ARHGAP26: variants seen among roughly 807,000 people sequenced by gnomAD.
ARHGAP26 encodes the protein Rho GTPase activating protein 26.
A neutral mutation model predicts 104.8 loss-of-function variants in ARHGAP26; 38 were observed. The ratio of observed to expected loss-of-function variants is 0.36; its 90% CI spans 0.28 to 0.48. ARHGAP26 has a LOEUF of 0.48. Among genes scored for constraint, ARHGAP26 ranks in the 20% least tolerant of loss-of-function variants. The pLI, the probability that ARHGAP26 is intolerant of heterozygous loss-of-function variation, is 0.99. For missense variants in ARHGAP26, 704 were observed against 947.9 expected, an observed-to-expected ratio of 0.74 and a Z score of 3.38; for synonymous variants, 341 against 340.0, an observed-to-expected ratio of 1.00 and a Z score of -0.03.
chr5:143,136,267 G>A (rs764659746), intron 19 of ARHGAP26, among the ~76,000 whole-genome samples: 4 of 152,216 alleles, frequency 2.6e-5, no homozygotes, highest in African/African-American at 7.2e-5. Context: ...GAGGATGAAA[G>A]TTAAGGATGT....
At position 143,056,083 on chromosome 5, in the gene ARHGAP26, G is replaced by GCAAGTAAGT. The variant is rs1180082806; in HGVS notation, c.1431_1432+7dup. ...GTTTCAAAGAAGTTTCATCAAAGCA[G>GCAAGTAAGT]CAAGTAAGTCTTTTTTGTCTCAGTT... On this transcript the variant is annotated inframe_insertion, in exon 16 of 23. Transcript: ENST00000645722. 1.9e-6 allele frequency: 3 copies of GCAAGTAAGT among 1,612,584 alleles called. No individual in the cohort carries two copies. The highest frequency in any genetic ancestry group is 1.7e-6 in the Non-Finnish European group (2 of 1,179,102).
intron 11 of ARHGAP26, among the ~76,000 whole-genome samples, chr5:143,012,549 A>ATATATATATATATATATATATG: frequency 2.0e-5 from 1 of 49,090 alleles, no homozygotes; most frequent in African/African-American, 6.9e-5. Context: ...ATATACATAC[A>ATATATATATATATATATATATG]TACATATATA....
chr5:143,000,010 A>G (rs2152780555), intron 11 of ARHGAP26, among the ~76,000 whole-genome samples: 1 of 152,348 alleles, frequency 6.6e-6, no homozygotes, highest in African/African-American at 2.4e-5. Flanking sequence ...ATGAAAAAGT[A>G]TACATCATGG....
chr5:143,227,451 G>T lies in ARHGAP26; in HGVS notation c.*5005G>T. 1 of 231,224 alleles carries T rather than the reference G, an allele frequency of 4.3e-6. No homozygotes were observed. Among genetic ancestry groups the T allele is most frequent in the Non-Finnish European group, 8.6e-6 (1 of 116,820 alleles). The allele number at this position is 231,224 out of a possible 1,614,324, so 14.3% of individuals were successfully genotyped here. ...GTGTCTAACAAATTTATCTTGTCATGCTCAAATGTGTTTGGCAGCCACACC... is the reference window on the plus strand; with the variant it reads ...GTGTCTAACAAATTTATCTTGTCATTCTCAAATGTGTTTGGCAGCCACACC... On this transcript the variant is annotated 3_prime_UTR_variant, in exon 23 of 23. Transcript: ENST00000645722.
chr5:143,217,232 A>G (rs892936572), intron 22 of ARHGAP26, among the ~76,000 whole-genome samples: 1 of 152,140 alleles, frequency 6.6e-6, no homozygotes, highest in Non-Finnish European at 1.5e-5. Flanking sequence ...GTAATGATTA[A>G]TCTTGAAGCC....
chr5:143,118,020 G>T (rs1319282651), intron 17 of ARHGAP26, among the ~76,000 whole-genome samples: 1 of 152,242 alleles, frequency 6.6e-6, no homozygotes, highest in Non-Finnish European at 1.5e-5. Context: ...ACAACACTGT[G>T]TAATAAATGC....
intron 17 of ARHGAP26, among the ~76,000 whole-genome samples, chr5:143,097,808 C>T (rs578220300): frequency 2.7e-5 from 3 of 111,422 alleles, no homozygotes; most frequent in Non-Finnish European, 5.1e-5. Flanking sequence ...GGTGACAGAA[C>T]GAGACTCCAA....
At chr5:143,173,455 G>C (rs973386504) in intron 20 of ARHGAP26, among the ~76,000 whole-genome samples, 6 of 152,188 alleles carry the variant, frequency 3.9e-5, no homozygotes, top group African/African-American at 1.4e-4. Flanking sequence ...TTCAAGAGAC[G>C]TATTTTTAGG....
chr5:143,031,254 T>C (rs558304334), intron 12 of ARHGAP26, among the ~76,000 whole-genome samples: 1 of 152,346 alleles, frequency 6.6e-6, no homozygotes, highest in African/African-American at 2.4e-5. Flanking sequence ...TTGGGGTTAT[T>C]CTCCCAAGGG....
At chr5:142,905,753 A>G (rs1341856127) in intron 8 of ARHGAP26, among the ~76,000 whole-genome samples, 3 of 152,230 alleles carry the variant, frequency 2.0e-5, no homozygotes, top group Non-Finnish European at 4.4e-5. Context: ...TAAAAGTAAT[A>G]GCTAAAATCG....
At chr5:142,988,178 G>T (rs569550852) in intron 11 of ARHGAP26, among the ~76,000 whole-genome samples, 1 of 152,078 alleles carries the variant, frequency 6.6e-6, no homozygotes, top group South Asian at 2.1e-4. Context: ...GCCTGTTATT[G>T]GTCTATTCAG....
chr5:143,216,115 G>A, intron 22 of ARHGAP26: 1 of 468,872 alleles, frequency 2.1e-6, no homozygotes, highest in South Asian at 1.6e-5. Context: ...AGCTTAAATA[G>A]TTAAGCATAA....
At chr5:142,856,283 T>G (rs1300063103) in intron 1 of ARHGAP26, among the ~76,000 whole-genome samples, 6 of 152,120 alleles carry the variant, frequency 3.9e-5, no homozygotes. Flanking sequence ...GAGGGCCAGG[T>G]GGCAGTCGGT....
chr5:142,947,738 C>G (rs1005993119), intron 11 of ARHGAP26, among the ~76,000 whole-genome samples: 3 of 152,194 alleles, frequency 2.0e-5, no homozygotes, highest in African/African-American at 7.2e-5. Context: ...TTGGGCCACT[C>G]TGAATGGAAA....
At chr5:143,110,859 A>G (rs898390828) in intron 17 of ARHGAP26, among the ~76,000 whole-genome samples, 2 of 152,242 alleles carry the variant, frequency 1.3e-5, no homozygotes, top group East Asian at 1.9e-4. Flanking sequence ...GAATACAGCT[A>G]CTAGCTGAAG....
chr5:142,965,072 G>A (rs1194483525), intron 11 of ARHGAP26, among the ~76,000 whole-genome samples: 1 of 152,194 alleles, frequency 6.6e-6, no homozygotes, highest in Non-Finnish European at 1.5e-5. Flanking sequence ...AGGCAGAGAG[G>A]GAGAGGAGAC....
rs200325625 is a variant in ARHGAP26 at position 143,228,384 on chromosome 5, T to C, written c.*5938T>C. 3.0e-4 allele frequency: 66 copies of C among 222,288 alleles called. No individual in the cohort carries two copies. Among genetic ancestry groups the C allele is most frequent in the African/African-American group, 1.4e-3 (61 of 44,780 alleles). 13.8% of individuals were successfully genotyped at this position (222,288 alleles called of 1,614,324 possible). A position where few individuals can be genotyped will look rare whatever the true frequency, so the allele number is the denominator to read the frequency against. ...AGAATTAGAGACACAAGAGAGGCTG[T>C]GGATGGCCTATTAAAATGATTAAAG... On this transcript the variant is annotated 3_prime_UTR_variant, in exon 23 of 23. Coordinates refer to ENST00000645722, the MANE Select transcript of ARHGAP26 (RefSeq NM_001135608.3).
intron 20 of ARHGAP26, among the ~76,000 whole-genome samples, chr5:143,187,918 C>T (rs1805382531): frequency 6.6e-6 from 1 of 152,184 alleles, no homozygotes; most frequent in South Asian, 2.1e-4. Context: ...TGTCCCTTCT[C>T]AGCTGTAAGG....
intron 2 of ARHGAP26, 75 bp downstream of exon 2, chr5:142,873,570 C>G: frequency 9.7e-7 from 1 of 1,030,630 alleles, no homozygotes; most frequent in Non-Finnish European, 1.4e-6. Flanking sequence ...AGAGCCTTTT[C>G]CCTGAGATAG....
Sources: gnomAD v4.1 joint callset for allele counts (sites outside exome capture counted in the v4.1 genomes callset) on GRCh38, gnomAD v4.1.1 for gene constraint, MANE v1.5 for transcripts, NCBI Gene and HGNC (gene_info 2026-07-23, HGNC 2026-07-21) for gene names.